SLC5A4: variants seen among roughly 807,000 people sequenced by gnomAD.
SLC5A4 encodes the protein probable glucose sensor protein SLC5A4.
SLC5A4 carries 55 observed loss-of-function variants against 70.3 expected under a neutral mutation model. The ratio of observed to expected loss-of-function variants is 0.78; its 90% CI spans 0.63 to 0.98. The LOEUF (loss-of-function observed/expected upper bound fraction) is 0.98. Ranked by LOEUF, SLC5A4 falls within the 50% of genes least tolerant of loss-of-function variation. SLC5A4 has a pLI of 0.00. For synonymous variants in SLC5A4, 268 were observed against 305.7 expected (o/e 0.88, Z 1.29); for missense variants, 735 against 839.2 (o/e 0.88, Z 1.53).
chr22:32,276,958 G>A, the SLC5A4 span: 1 of 152,008 alleles, frequency 6.6e-6, no homozygotes, highest in South Asian at 2.1e-4. Context: ...TTATAATTAT[G>A]CTTATAATTT....
chr22:32,281,274 G>C, the SLC5A4 span, among the ~76,000 whole-genome samples: 4 of 152,160 alleles, frequency 2.6e-5, no homozygotes, highest in African/African-American at 7.2e-5. Context: ...GTCCAGCTGC[G>C]GTTGGAATGT....
At chr22:32,249,323 G>C (rs1310984030) in intron 3 of SLC5A4, among the ~76,000 whole-genome samples, 1 of 152,152 alleles carries the variant, frequency 6.6e-6, no homozygotes. Context: ...CTTAGAGAGG[G>C]GGAACTTGAG....
the SLC5A4 span, among the ~76,000 whole-genome samples, chr22:32,347,089 A>C: frequency 1.3e-5 from 2 of 152,244 alleles, no homozygotes; most frequent in Non-Finnish European, 2.9e-5. Flanking sequence ...ATGCAGCCAA[A>C]AGACACATGA....
the SLC5A4 span, among the ~76,000 whole-genome samples, chr22:32,316,934 C>CTCTG: frequency 6.7e-6 from 1 of 148,622 alleles, no homozygotes; most frequent in Non-Finnish European, 1.5e-5. Flanking sequence ...ATTAACAACT[C>CTCTG]TGTGTGTGTG....
the SLC5A4 span, among the ~76,000 whole-genome samples, chr22:32,284,231 T>C: frequency 6.6e-6 from 1 of 152,226 alleles, no homozygotes; most frequent in South Asian, 2.1e-4. Context: ...CGTTTTGGCA[T>C]TTAAGCATAA....
the SLC5A4 span, among the ~76,000 whole-genome samples, chr22:32,295,414 A>C: frequency 9.0e-6 from 1 of 111,512 alleles, no homozygotes; most frequent in African/African-American, 3.3e-5. Context: ...TCTGATGGCC[A>C]GTGATGATGA....
At chr22:32,286,069 A>G in the SLC5A4 span, among the ~76,000 whole-genome samples, 4 of 152,280 alleles carry the variant, frequency 2.6e-5, no homozygotes, top group East Asian at 1.9e-4. Flanking sequence ...CAGGAGTCCA[A>G]TTTTATTTTT....
Position 32,239,578 on chromosome 22 carries a change from ATATTTATATATATATAAATT to A in SLC5A4, c.478-508_478-489del, listed in dbSNP as rs1452689225. Among the ~76,000 whole-genome samples, 80 of 26,780 alleles carry A rather than the reference ATATTTATATATATATAAATT, an allele frequency of 3.0e-3. 6 individuals carry two copies. The highest frequency in any genetic ancestry group is 0.014 in the Middle Eastern group (1 of 74). 17.6% of individuals were successfully genotyped at this position (26,780 alleles called of 152,430 possible). On this transcript the variant is annotated intron_variant, in intron 5 of 14. Coordinates refer to ENST00000266086, the MANE Select transcript of SLC5A4 (RefSeq NM_014227.3). ...TATATATATATATATATTTATATAT[ATATTTATATATATATAAATT>A]ATATAAAATATATGTATAATATATA...
chr22:32,300,236 G>C, the SLC5A4 span, among the ~76,000 whole-genome samples: 3 of 151,412 alleles, frequency 2.0e-5, no homozygotes, highest in Admixed American at 2.0e-4. Context: ...GGGCAATGGG[G>C]GGCGCCCCTC....
chr22:32,270,016 C>A, the SLC5A4 span: 1 of 494,668 alleles, frequency 2.0e-6, no homozygotes, highest in East Asian at 5.2e-5. Flanking sequence ...GCTTCAGGAG[C>A]CCCCGGCCAG....
the SLC5A4 span, among the ~76,000 whole-genome samples, chr22:32,340,067 G>A: frequency 2.0e-5 from 3 of 152,208 alleles, no homozygotes; most frequent in East Asian, 1.9e-4. Context: ...GAAGGATGTC[G>A]GCTTTGGAGT....
rs527499684 is a variant in SLC5A4 at position 32,234,852 on chromosome 22, A to G, written c.885+21T>C. The G allele has an allele frequency of 7.2e-6, 11 of 1,521,916 alleles. No individual in the cohort carries two copies. The South Asian group carries it at 1.2e-4, about 17-fold the overall frequency. 94.3% of individuals were successfully genotyped at this position (1,521,916 alleles called of 1,614,324 possible). On this transcript the variant is annotated intron_variant, in intron 8 of 14. Transcript: ENST00000266086. Reference sequence around the variant, plus strand: ...CAGACAGACAGACAGACAGACAGACACACATATACATATACTTCACCTGAT... The same window carrying G: ...CAGACAGACAGACAGACAGACAGACGCACATATACATATACTTCACCTGAT...
At chr22:32,269,612 T>C in the SLC5A4 span, 21 of 614,448 alleles carry the variant, frequency 3.4e-5, no homozygotes, top group South Asian at 1.3e-4. The surrounding 1 kb of genome is among the most constrained non-coding windows in gnomAD (Gnocchi z 4.1). Context: ...GCACCCAGGC[T>C]CTGGCCGTAC....
chr22:32,321,917 T>C, the SLC5A4 span, among the ~76,000 whole-genome samples: 2 of 152,184 alleles, frequency 1.3e-5, no homozygotes, highest in Non-Finnish European at 2.9e-5. Flanking sequence ...ACATAAAACG[T>C]TGGGTCAAAG....
At chr22:32,304,854 T>TA in the SLC5A4 span, among the ~76,000 whole-genome samples, 4 of 151,716 alleles carry the variant, frequency 2.6e-5, no homozygotes, top group Admixed American at 6.6e-5. Context: ...TCTACAGTTT[T>TA]TTTTTCTTTT....
At chr22:32,318,869 T>C in the SLC5A4 span, among the ~76,000 whole-genome samples, 209 of 152,310 alleles carry the variant, frequency 1.4e-3, 1 homozygote, top group Non-Finnish European at 2.1e-3. Flanking sequence ...ACTCCAACGG[T>C]AATGGTTTGT....
the SLC5A4 span, among the ~76,000 whole-genome samples, chr22:32,305,178 C>T: frequency 2.0e-5 from 3 of 151,648 alleles, no homozygotes; most frequent in African/African-American, 7.3e-5. Context: ...AAAATTTCTC[C>T]AGTTTCTAAT....
chr22:32,349,409 G>A, the SLC5A4 span, among the ~76,000 whole-genome samples: 1 of 152,224 alleles, frequency 6.6e-6, no homozygotes, highest in African/African-American at 2.4e-5. Context: ...AGCATAGCTA[G>A]GAGGCATGGC....
the SLC5A4 span, among the ~76,000 whole-genome samples, chr22:32,300,276 A>T: frequency 7.8e-6 from 1 of 128,726 alleles, no homozygotes; most frequent in Admixed American, 8.2e-5. Context: ...TTGCAGTTTG[A>T]TCTCAGACTG....
Sources: allele counts gnomAD v4.1 joint callset (sites outside exome capture counted in the v4.1 genomes callset), GRCh38; gene constraint gnomAD v4.1.1; non-coding constraint Gnocchi (gnomAD v3.1); transcripts MANE v1.5; gene names NCBI Gene and HGNC (gene_info 2026-07-23, HGNC 2026-07-21).